The following PCDHA8 variants were observed in gnomAD, a reference collection of about 807,000 sequenced individuals.
PCDHA8 encodes the protein protocadherin alpha-8.
A neutral mutation model predicts 61.8 loss-of-function variants in PCDHA8; 53 were observed. The ratio of observed to expected loss-of-function variants is 0.86; its 90% confidence interval spans 0.69 to 1.08. The LOEUF (loss-of-function observed/expected upper bound fraction) is 1.08, where lower values mean the gene tolerates loss of function less well. PCDHA8 is among the 50% of genes least tolerant of loss of function. The pLI is 0.00. For missense variants in PCDHA8, 1,293 were observed against 1,245.0 expected (o/e 1.04, Z -0.58); for synonymous variants, 618 against 556.6 (o/e 1.11, Z -1.55).
intron 3 of PCDHA8, among the ~76,000 whole-genome samples, chr5:140,998,569 G>GT (rs71574497): frequency 0.37 from 55,088 of 149,258 alleles, 10,597 homozygotes; most frequent in African/African-American, 0.48. Flanking sequence ...TTGTAAATAA[G>GT]TTTTTTTTTT....
At chr5:140,893,039 C>A (rs1024548713) in intron 1 of PCDHA8, among the ~76,000 whole-genome samples, 49 of 152,306 alleles carry the variant, frequency 3.2e-4, no homozygotes, top group African/African-American at 1.1e-3. Flanking sequence ...TAACATATGC[C>A]CTCCAGGCTC....
At chr5:140,924,646 G>A (rs2081930568) in intron 1 of PCDHA8, among the ~76,000 whole-genome samples, 1 of 152,122 alleles carries the variant, frequency 6.6e-6, no homozygotes, top group Non-Finnish European at 1.5e-5. Context: ...TGTAATCCCA[G>A]CACTTTGGGA....
chr5:140,919,239 C>G (rs2079049864), intron 1 of PCDHA8, among the ~76,000 whole-genome samples: 1 of 152,188 alleles, frequency 6.6e-6, no homozygotes, highest in Non-Finnish European at 1.5e-5. Context: ...CACTTTTTGT[C>G]TTGTCTGTTT....
rs1554228541 is a variant in PCDHA8 at position 140,966,673 on chromosome 5, T to C, written c.2395-12276T>C. 2.3e-6 allele frequency: 3 copies of C among 1,290,056 alleles called. No homozygotes were observed. The African/African-American group carries it at 4.7e-5, about 20-fold the overall frequency. The allele number at this position is 1,290,056 out of a possible 1,614,324, so 79.9% of individuals were successfully genotyped here. A position where few individuals can be genotyped will look rare whatever the true frequency, so the allele number is the denominator to read the frequency against. On this transcript the variant is annotated intron_variant, in intron 1 of 3. Coordinates refer to ENST00000531613, the MANE Select transcript of PCDHA8 (RefSeq NM_018911.3). ...GAGCGGTGGGGGAGCAGGCGCAGGG[T>C]GGCACGAGCGGAGGCGGGGCCCGGG...
intron 1 of PCDHA8, among the ~76,000 whole-genome samples, chr5:140,904,640 C>T (rs1484010152): frequency 6.6e-6 from 1 of 152,046 alleles, no homozygotes; most frequent in Non-Finnish European, 1.5e-5. Flanking sequence ...GGAATCTCCA[C>T]ACTGTTTTCC....
rs374520361 is a variant in PCDHA8, at chr5:140,870,742, A to C, written c.2394+27027A>C. 10 of 1,613,406 alleles carry C rather than the reference A, an allele frequency of 6.2e-6. No homozygotes were observed. In the African/African-American group the frequency reaches 1.1e-4, roughly 17 times the overall value. On this transcript the variant is annotated intron_variant, in intron 1 of 3. Transcript: ENST00000531613. ...TGCGGGCGTGCCGCCTCTGAGCAGC[A>C]ACGTGACGCTGCAGGTGTTCGTGCT...
intron 1 of PCDHA8, among the ~76,000 whole-genome samples, chr5:140,889,158 T>A (rs2062123549): frequency 6.6e-6 from 1 of 151,892 alleles, no homozygotes; most frequent in Non-Finnish European, 1.5e-5. Context: ...TCTTCTTTGT[T>A]AAGTATTCAA....
rs377373799 is a variant in PCDHA8, at chr5:141,009,886, C to G, written c.2802C>G (p.Thr934=). 3.3e-5 allele frequency: 54 copies of G among 1,612,722 alleles called. No individual in the cohort carries two copies. The highest frequency in any genetic ancestry group is 4.6e-5 in the Non-Finnish European group (54 of 1,179,784). The stretch of plus-strand genomic sequence containing the variant: ...AGAAAAAGAAGAAGGGTAACAAGAC[C>G]CAGGAGAAAAAAGAGAAAGGGAACA... ...KKKKKKKGNK[T]QEKKEKGNST... Residue 934 remains threonine (T), a synonymous_variant, in exon 4 of 4, where the codon ACC becomes ACG. Transcript: ENST00000531613.
chr5:140,875,409 A>C (rs2055459044), intron 1 of PCDHA8: 1 of 1,500,680 alleles, frequency 6.7e-7, no homozygotes, highest in African/African-American at 1.4e-5. Context: ...CTGCTCATAA[A>C]ATACCTCAGG....
rs782314357 is a variant in PCDHA8 at position 140,927,486 on chromosome 5, C to G, written c.2395-51463C>G. The G allele has an allele frequency of 6.2e-6, 10 of 1,614,128 alleles. No individual in the cohort carries two copies. In the East Asian group the frequency reaches 2.2e-4, roughly 36 times the overall value. ...CACTGGATCGCGAACAGCGCGCCACCCACCTGCTGGTGCTTACAGCTCGGG... is the reference window on the plus strand; with the variant it reads ...CACTGGATCGCGAACAGCGCGCCACGCACCTGCTGGTGCTTACAGCTCGGG... On this transcript the variant is annotated intron_variant, in intron 1 of 3. Coordinates refer to ENST00000531613, the MANE Select transcript of PCDHA8 (RefSeq NM_018911.3).
intron 1 of PCDHA8, chr5:140,850,847 G>A: frequency 6.3e-7 from 1 of 1,596,668 alleles, no homozygotes; most frequent in South Asian, 1.1e-5. Context: ...GATCTACAGA[G>A]CGAACGGGAG....
intron 2 of PCDHA8, among the ~76,000 whole-genome samples, chr5:140,979,920 C>T (rs1554241253): frequency 6.6e-6 from 1 of 152,206 alleles, no homozygotes; most frequent in Non-Finnish European, 1.5e-5. Flanking sequence ...AAGAGAAAGC[C>T]TACAAAGTAT....
chr5:140,958,637 A>G (rs2095435071), intron 1 of PCDHA8, among the ~76,000 whole-genome samples: 1 of 152,192 alleles, frequency 6.6e-6, no homozygotes. Flanking sequence ...TACTGCAGAA[A>G]ACCAATCACA....
rs534304787 is a variant in PCDHA8, at chr5:140,885,393, TA to T, written c.2394+41680del. Among the ~76,000 whole-genome samples the T allele has an allele frequency of 3.1e-3, 468 of 152,312 alleles. 3 individuals carry two copies. Among genetic ancestry groups the T allele is most frequent in the Middle Eastern group, 0.014 (4 of 294 alleles). The stretch of plus-strand genomic sequence containing the variant: ...TACCTTTTGGCAGTCCCTGCAAATC[TA>T]ATGGTTTTAATAGCTGTGTAGTATT... On this transcript the variant is annotated intron_variant, in intron 1 of 3. Transcript: ENST00000531613.
chr5:140,957,597 A>G (rs1036559943), intron 1 of PCDHA8, among the ~76,000 whole-genome samples: 4 of 152,168 alleles, frequency 2.6e-5, no homozygotes, highest in Non-Finnish European at 5.9e-5. Context: ...ACTTCCCAGA[A>G]TAAACACACA....
At chr5:140,877,177 C>A (rs1554169414) in intron 1 of PCDHA8, 1 of 1,613,802 alleles carries the variant, frequency 6.2e-7, no homozygotes. Context: ...GCTGGCGACT[C>A]CGGCTGGCAG....
intron 1 of PCDHA8, chr5:140,870,430 G>A: frequency 6.2e-7 from 1 of 1,614,226 alleles, no homozygotes; most frequent in Non-Finnish European, 8.5e-7. Context: ...GGTATCCGTG[G>A]AGGTGGCCGA....
At chr5:140,857,857 C>A (rs1415276512) in intron 1 of PCDHA8, 1 of 1,597,670 alleles carries the variant, frequency 6.3e-7, no homozygotes, top group Non-Finnish European at 8.6e-7. Flanking sequence ...CTGGATACAA[C>A]GCGTGGCTGT....
intron 1 of PCDHA8, chr5:140,875,488 C>G: frequency 3.7e-6 from 6 of 1,612,568 alleles, no homozygotes; most frequent in Non-Finnish European, 5.1e-6. Flanking sequence ...GATTATCGGA[C>G]CAAGAGGCCC....
Sources: gnomAD v4.1 joint callset for allele counts (sites outside exome capture counted in the v4.1 genomes callset) on GRCh38, gnomAD v4.1.1 for gene constraint, MANE v1.5 for transcripts, NCBI Gene and HGNC (gene_info 2026-07-23, HGNC 2026-07-21) for gene names.